Variants in SRD5A2 observed in about 807,000 individuals in gnomAD.
SRD5A2 encodes the protein steroid 5 alpha-reductase 2, also known as 3-oxo-5-alpha-steroid 4-dehydrogenase 2.
Under a neutral mutation model 27.4 loss-of-function variants are expected in SRD5A2, and 30 were observed. The ratio of observed to expected loss-of-function variants is 1.10; its 90% CI spans 0.82 to 1.49. The LOEUF is 1.49. SRD5A2 is among the 40% of genes most tolerant of loss of function. SRD5A2 has a pLI of 0.00. For missense variants in SRD5A2, 348 were observed against 323.4 expected, an observed-to-expected ratio of 1.08 and a Z score of -0.58; for synonymous variants, 141 against 133.6, an observed-to-expected ratio of 1.06 and a Z score of -0.38.
the SRD5A2 span, among the ~76,000 whole-genome samples, chr2:31,590,447 T>G: frequency 1.3e-5 from 2 of 152,124 alleles, no homozygotes; most frequent in Admixed American, 1.3e-4. Context: ...TAATTGTGAA[T>G]GGGAGTTCAC....
At chr2:31,536,580 G>T (rs1666030819) in intron 1 of SRD5A2, among the ~76,000 whole-genome samples, 1 of 152,216 alleles carries the variant, frequency 6.6e-6, no homozygotes, top group South Asian at 2.1e-4. Flanking sequence ...AAAGAAGGAG[G>T]TTTGGTGAAC....
the SRD5A2 span, among the ~76,000 whole-genome samples, chr2:31,600,619 T>C: frequency 6.6e-6 from 1 of 151,912 alleles, no homozygotes; most frequent in African/African-American, 2.4e-5. Flanking sequence ...GTTGGCCACA[T>C]GTACCACCAA....
chr2:31,579,815 T>C (rs1667034006), intron 1 of SRD5A2, among the ~76,000 whole-genome samples: 2 of 152,228 alleles, frequency 1.3e-5, no homozygotes, highest in African/African-American at 4.8e-5. Context: ...TGACATCCCT[T>C]GGTCTCTTTC....
chr2:31,552,464 GT>G (rs1227665420), intron 1 of SRD5A2, among the ~76,000 whole-genome samples: 1 of 152,018 alleles, frequency 6.6e-6, no homozygotes, highest in Non-Finnish European at 1.5e-5. Context: ...TACTGCCATA[GT>G]TTGGACCCCT....
At chr2:31,578,163 T>C (rs1008641336) in intron 1 of SRD5A2, among the ~76,000 whole-genome samples, 2 of 152,150 alleles carry the variant, frequency 1.3e-5, no homozygotes, top group Non-Finnish European at 2.9e-5. Flanking sequence ...ATATTTAATA[T>C]ACTTAGATGT....
At chr2:31,647,541 A>G in the SRD5A2 span, among the ~76,000 whole-genome samples, 1 of 152,206 alleles carries the variant, frequency 6.6e-6, no homozygotes, top group African/African-American at 2.4e-5. Context: ...TTCCTAGATT[A>G]TTTGATTTTA....
chr2:31,619,686 T>C, the SRD5A2 span, among the ~76,000 whole-genome samples: 8 of 152,186 alleles, frequency 5.3e-5, no homozygotes, highest in Admixed American at 3.9e-4. Context: ...ATTTCTCTAA[T>C]GATCAGTGAT....
chr2:31,628,226 T>G, the SRD5A2 span, among the ~76,000 whole-genome samples: 1 of 151,926 alleles, frequency 6.6e-6, no homozygotes, highest in Non-Finnish European at 1.5e-5. Context: ...CATTACATAA[T>G]GCTCTTGTCT....
chr2:31,601,689 A>G, the SRD5A2 span, among the ~76,000 whole-genome samples: 1 of 152,148 alleles, frequency 6.6e-6, no homozygotes, highest in African/African-American at 2.4e-5. Flanking sequence ...TGAATCCAGC[A>G]GCACATCCAA....
the SRD5A2 span, among the ~76,000 whole-genome samples, chr2:31,652,865 C>T: frequency 2.0e-5 from 3 of 152,182 alleles, no homozygotes; most frequent in South Asian, 6.2e-4. Context: ...TAATTTCAAA[C>T]CCAGACTCTG....
intron 1 of SRD5A2, among the ~76,000 whole-genome samples, chr2:31,536,772 T>A (rs1016214657): frequency 6.6e-6 from 1 of 152,186 alleles, no homozygotes; most frequent in East Asian, 1.9e-4. Flanking sequence ...GGCTGGCAAT[T>A]GGTGCTGTAG....
At chr2:31,639,045 T>C in the SRD5A2 span, among the ~76,000 whole-genome samples, 3 of 152,114 alleles carry the variant, frequency 2.0e-5, no homozygotes, top group Admixed American at 2.0e-4. Flanking sequence ...TATCTTTTAG[T>C]TTGTTCCTTT....
At chr2:31,628,864 C>T in the SRD5A2 span, among the ~76,000 whole-genome samples, 3 of 152,164 alleles carry the variant, frequency 2.0e-5, no homozygotes, top group Non-Finnish European at 2.9e-5. Context: ...TCTCTGGCTG[C>T]CTTTAACATT....
chr2:31,623,624 T>C, the SRD5A2 span, among the ~76,000 whole-genome samples: 1 of 152,014 alleles, frequency 6.6e-6, no homozygotes, highest in Non-Finnish European at 1.5e-5. Context: ...ATCAGGATTT[T>C]CTGGAGTCTC....
rs1052051121 is a variant in SRD5A2, at chr2:31,556,333, G to A, written c.282-22567C>T. ...ACTTTTTATTATGCCATCTTGTATAGTGGGTTGAATGGTAGACCCCAAAAA... is the reference window on the plus strand; with the variant it reads ...ACTTTTTATTATGCCATCTTGTATAATGGGTTGAATGGTAGACCCCAAAAA... On this transcript the variant is annotated intron_variant, in intron 1 of 4. Transcript: ENST00000622030. Among the ~76,000 whole-genome samples, 14 of 152,140 alleles carry A rather than the reference G, an allele frequency of 9.2e-5. No homozygotes were observed. In the East Asian group the frequency reaches 2.1e-3, roughly 23 times the overall value.
the SRD5A2 span, among the ~76,000 whole-genome samples, chr2:31,607,060 T>C: frequency 6.6e-6 from 1 of 151,954 alleles, no homozygotes; most frequent in African/African-American, 2.4e-5. Context: ...AAATTATGAA[T>C]TAGACATAAT....
intron 1 of SRD5A2, among the ~76,000 whole-genome samples, chr2:31,552,889 C>T (rs1461983555): frequency 6.6e-6 from 1 of 152,048 alleles, no homozygotes; most frequent in African/African-American, 2.4e-5. Context: ...AAACATGACA[C>T]AATCAAAGGA....
the SRD5A2 span, among the ~76,000 whole-genome samples, chr2:31,634,542 A>G: frequency 1.3e-5 from 2 of 152,004 alleles, no homozygotes; most frequent in Non-Finnish European, 2.9e-5. Flanking sequence ...AAATACCAAT[A>G]CTCAGAATAA....
At chr2:31,575,128 T>C (rs1302943575) in intron 1 of SRD5A2, among the ~76,000 whole-genome samples, 1 of 152,234 alleles carries the variant, frequency 6.6e-6, no homozygotes, top group Non-Finnish European at 1.5e-5. Context: ...GGGCTTTTTT[T>C]TTCTTAATCT....
Sources: gnomAD v4.1 joint callset for allele counts (sites outside exome capture counted in the v4.1 genomes callset) on GRCh38, gnomAD v4.1.1 for gene constraint, MANE v1.5 for transcripts, NCBI Gene and HGNC (gene_info 2026-07-23, HGNC 2026-07-21) for gene names.